The following LVRN variants were observed in gnomAD, a reference collection of about 807,000 sequenced individuals.
LVRN encodes laeverin.
In LVRN, 99 loss-of-function variants were observed where a neutral mutation model predicts 111.4. The observed-to-expected ratio is 0.89, with a 90% CI of 0.76 to 1.05. LVRN has a LOEUF of 1.05. LVRN is among the 50% of genes least tolerant of loss of function. The pLI, the probability that LVRN is intolerant of heterozygous loss-of-function variation, is 0.00. For missense variants in LVRN, 1,414 were observed against 1,206.8 expected, an observed-to-expected ratio of 1.17 and a Z score of -2.54; for synonymous variants, 488 against 449.5, an observed-to-expected ratio of 1.09 and a Z score of -1.08.
At chr5:115,970,156 A>G (rs1324760164) in intron 1 of LVRN, among the ~76,000 whole-genome samples, 2 of 152,218 alleles carry the variant, frequency 1.3e-5, no homozygotes, top group Non-Finnish European at 2.9e-5. Flanking sequence ...TGGTGAAACC[A>G]TCACTACAAT....
At chr5:116,021,403 T>A (rs1348137319) in intron 18 of LVRN, 1 of 152,764 alleles carries the variant, frequency 6.5e-6, no homozygotes, top group East Asian at 1.9e-4. Flanking sequence ...AATAGAGAAC[T>A]AAGAAATGTT....
intron 18 of LVRN, among the ~76,000 whole-genome samples, chr5:116,016,205 A>G (rs545731200): frequency 6.6e-6 from 1 of 152,304 alleles, no homozygotes; most frequent in Admixed American, 6.5e-5. Flanking sequence ...AGACTGTTAC[A>G]TTATTTATGG....
intron 3 of LVRN, among the ~76,000 whole-genome samples, chr5:115,985,874 C>T (rs1351321494): frequency 6.6e-6 from 1 of 152,214 alleles, no homozygotes; most frequent in Non-Finnish European, 1.5e-5. Context: ...CTTCATCAAG[C>T]TGAGAAAAAT....
In LVRN at chr5:115,987,925, C is replaced by T. The variant is rs753295773; in HGVS notation, c.1091C>T (p.Ser364Phe). 6.2e-5 allele frequency: 100 copies of T among 1,610,324 alleles called. No homozygotes were observed. Among genetic ancestry groups the T allele is most frequent in the Non-Finnish European group, 8.1e-5 (95 of 1,178,826 alleles). ...FLEDLFNISY[S>F]LPKTDIIALP... The stretch of plus-strand genomic sequence containing the variant: ...GAGGATTTGTTTAATATCAGTTACT[C>T]TCTTCCAAAAACAGGTGAGGTAATC... The change falls in exon 4 of 20, where the codon TCT becomes TTT. Residue 364 changes from serine (S) to phenylalanine (F), a missense_variant. Transcript: ENST00000357872.
chr5:116,013,969 TAGA>T (rs1258395289), intron 15 of LVRN, among the ~76,000 whole-genome samples: 2 of 152,168 alleles, frequency 1.3e-5, no homozygotes, highest in Admixed American at 6.5e-5. Flanking sequence ...AAACAAATTG[TAGA>T]AGGAGAGAAA....
At chr5:116,022,535 C>A in intron 19 of LVRN, 69 bp downstream of exon 19, 1 of 1,057,270 alleles carries the variant, frequency 9.5e-7, no homozygotes, top group Non-Finnish European at 1.4e-6. Flanking sequence ...TTTGGACTTG[C>A]TAAAATTAAA....
intron 1 of LVRN, among the ~76,000 whole-genome samples, chr5:115,967,213 C>T (rs4412142): frequency 6.6e-6 from 1 of 152,000 alleles, no homozygotes; most frequent in African/African-American, 2.4e-5. Flanking sequence ...GGTGTCATGC[C>T]TGAGAACTCT....
At chr5:115,973,130 A>G (rs538281445) in intron 1 of LVRN, among the ~76,000 whole-genome samples, 17 of 152,148 alleles carry the variant, frequency 1.1e-4, no homozygotes, top group African/African-American at 2.4e-4. Context: ...GGGTTTTGCC[A>G]TGTTGCCCAG....
chr5:115,983,148 T>G (rs1300893973), intron 1 of LVRN, 139 bp from the exon 2 acceptor site: 1 of 868,770 alleles, frequency 1.2e-6, no homozygotes, highest in South Asian at 1.9e-5. Context: ...GTTGGTGTGA[T>G]GGGATGGGCA....
At chr5:115,972,483 A>G (rs1753348400) in intron 1 of LVRN, among the ~76,000 whole-genome samples, 1 of 151,786 alleles carries the variant, frequency 6.6e-6, no homozygotes, top group South Asian at 2.1e-4. Flanking sequence ...TTTATTTAAA[A>G]AAAAGCTTTT....
intron 1 of LVRN, among the ~76,000 whole-genome samples, chr5:115,978,832 AGAGGT>A (rs1414937013): frequency 6.6e-6 from 1 of 152,018 alleles, no homozygotes; most frequent in African/African-American, 2.4e-5. Context: ...GGTGACAGGG[AGAGGT>A]GACACATAGG....
In LVRN at chr5:116,012,368, T is replaced by G. The variant is rs753107549; in HGVS notation, c.2248-6T>G. ...ACTAACAGTGTATTTTCTTTATTGT[T>G]TATAGAGGTACCTATTAAAGAGACT... is the stretch of plus-strand genomic sequence containing the variant. On this transcript the variant is annotated splice_region_variant and splice_polypyrimidine_tract_variant and intron_variant, in intron 14 of 19. Transcript: ENST00000357872. The G allele has an allele frequency of 7.1e-7, 1 of 1,399,870 alleles. No individual in the cohort carries two copies. The highest frequency in any genetic ancestry group is 1.2e-5 in the South Asian group (1 of 81,248). 86.7% of individuals were successfully genotyped at this position (1,399,870 alleles called of 1,614,324 possible).
intron 4 of LVRN, among the ~76,000 whole-genome samples, chr5:115,988,399 G>T (rs559505099): frequency 1.3e-4 from 20 of 151,352 alleles, no homozygotes; most frequent in Non-Finnish European, 2.1e-4. Flanking sequence ...TCCCAACTAT[G>T]AATTTTCATC....
chr5:115,972,228 A>C (rs1346646557), intron 1 of LVRN, among the ~76,000 whole-genome samples: 1 of 152,128 alleles, frequency 6.6e-6, no homozygotes, highest in Non-Finnish European at 1.5e-5. Flanking sequence ...CTGTTAAAAG[A>C]ATACAAAGAC....
chr5:116,015,203 G>A (rs1461360525), intron 16 of LVRN, 49 bp from the exon 17 acceptor site: 1 of 817,166 alleles, frequency 1.2e-6, no homozygotes, highest in East Asian at 3.0e-5. Flanking sequence ...TGATAACCTG[G>A]GTAAACATAA....
rs1189691777 is a variant in LVRN, at chr5:116,015,276, G to C, written c.2475G>C (p.Val825=). The change falls in exon 17 of 20, where the codon GTG becomes GTC. Residue 825 remains valine, a synonymous_variant. Transcript: ENST00000357872. ...GAATACCTTATCCAATTAAAGATGT[G>C]GTTTTATGTTATGGCATTGCCTTGG... The part of the protein sequence containing the change: ...ENEIPYPIKD[V]VLCYGIALGS... 1 of 1,604,392 alleles carries C rather than the reference G, an allele frequency of 6.2e-7. No individual in the cohort carries two copies. The highest frequency in any genetic ancestry group is 1.7e-5 in the Admixed American group (1 of 58,744).
intron 17 of LVRN, 91 bp downstream of exon 17, chr5:116,015,510 A>G (rs1748584824): frequency 1.4e-6 from 2 of 1,474,900 alleles, no homozygotes; most frequent in South Asian, 2.9e-5. Flanking sequence ...GTAAGTATTA[A>G]AACGTTGCGT....
chr5:115,996,669 G>C (rs1241245080), intron 6 of LVRN, among the ~76,000 whole-genome samples: 1 of 152,206 alleles, frequency 6.6e-6, no homozygotes, highest in Non-Finnish European at 1.5e-5. Context: ...CAAGGGGTCA[G>C]AACATTAGGG....
At chr5:116,018,659 AG>A (rs1748650695) in intron 18 of LVRN, among the ~76,000 whole-genome samples, 1 of 148,336 alleles carries the variant, frequency 6.7e-6, no homozygotes, top group Admixed American at 6.7e-5. Context: ...GTAGGCAACA[AG>A]AACAAAACTC....
Sources: allele counts gnomAD v4.1 joint callset (sites outside exome capture counted in the v4.1 genomes callset), GRCh38; gene constraint gnomAD v4.1.1; transcripts MANE v1.5; gene names NCBI Gene and HGNC (gene_info 2026-07-23, HGNC 2026-07-21).